Variants in ZNF469 observed in about 807,000 individuals in gnomAD.
ZNF469 encodes zinc finger protein 469.
In ZNF469, 1 loss-of-function variant was observed where a neutral mutation model predicts 1.0. That is an observed-to-expected ratio of 1.00 (90% CI 0.35 to 4.73). The LOEUF (loss-of-function observed/expected upper bound fraction) is 4.73. Among genes scored for constraint, ZNF469 ranks in the 30% most tolerant of loss-of-function variants. The probability of loss-of-function intolerance (pLI) is 0.16; values close to 1 mark genes in which losing one functional copy is unlikely to be tolerated. For missense variants in ZNF469, 6,100 were observed against 5,356.3 expected (o/e 1.14, Z -4.33); for synonymous variants, 2,703 against 2,363.4 (o/e 1.14, Z -4.17).
chr16:88,220,658 G>A, the ZNF469 span, among the ~76,000 whole-genome samples: 11 of 152,202 alleles, frequency 7.2e-5, no homozygotes, highest in Admixed American at 4.6e-4. Context: ...AGGAAGATGA[G>A]GGAGAGGTCG....
the ZNF469 span, among the ~76,000 whole-genome samples, chr16:88,269,763 G>T: frequency 6.6e-6 from 1 of 152,154 alleles, no homozygotes; most frequent in Non-Finnish European, 1.5e-5. Context: ...GGATGGCCCT[G>T]TGAGTTGTTA....
At chr16:88,404,937 T>C (rs1904985508) in intron 1 of ZNF469, among the ~76,000 whole-genome samples, 1 of 152,190 alleles carries the variant, frequency 6.6e-6, no homozygotes, top group African/African-American at 2.4e-5. Flanking sequence ...GGAGACTCTA[T>C]TGGCTCACAT....
At chr16:88,309,480 C>T in the ZNF469 span, among the ~76,000 whole-genome samples, 16 of 143,128 alleles carry the variant, frequency 1.1e-4, no homozygotes, top group South Asian at 1.7e-3. Context: ...GGTCCCCTCT[C>T]GGTGTTCAGG....
At chr16:88,399,970 C>T (rs1270556295) in intron 1 of ZNF469, among the ~76,000 whole-genome samples, 3 of 152,244 alleles carry the variant, frequency 2.0e-5, no homozygotes, top group Admixed American at 6.5e-5. Context: ...GGTCACTCCA[C>T]CTCCCTGGGC....
At chr16:88,352,503 C>A in the ZNF469 span, among the ~76,000 whole-genome samples, 3 of 152,250 alleles carry the variant, frequency 2.0e-5, no homozygotes, top group African/African-American at 7.2e-5. Flanking sequence ...ACACTGGGCA[C>A]CATGGCTCAG....
the ZNF469 span, among the ~76,000 whole-genome samples, chr16:88,370,023 ACTC>A: frequency 2.0e-5 from 3 of 152,166 alleles, no homozygotes; most frequent in African/African-American, 7.2e-5. Context: ...AAGTTTGGAC[ACTC>A]CAGCAAAACC....
chr16:88,129,648 T>A, the ZNF469 span, among the ~76,000 whole-genome samples: 5 of 152,224 alleles, frequency 3.3e-5, no homozygotes, highest in Admixed American at 3.3e-4. Context: ...GAGCCCAAGA[T>A]TTTGAGACCA....
At chr16:88,299,422 G>A in the ZNF469 span, among the ~76,000 whole-genome samples, 2 of 152,198 alleles carry the variant, frequency 1.3e-5, no homozygotes, top group Non-Finnish European at 2.9e-5. Context: ...GAGGCTCCAG[G>A]TGCCGGCAGC....
Position 88,431,124 on chromosome 16 carries a change from G to T in ZNF469, c.3654G>T (p.Ser1218=). The change falls in exon 3 of 3, where the codon TCG becomes TCT. Residue 1218 remains serine, a synonymous_variant. Transcript: ENST00000565624. ...AGACCTCAGAGGAAACCCGCCCGTCGCTGGACTTTCCCCAGGAGGCCAAGG... is the reference window on the plus strand; with the variant it reads ...AGACCTCAGAGGAAACCCGCCCGTCTCTGGACTTTCCCCAGGAGGCCAAGG... ...NTETSEETRP[S]LDFPQEAKEP... is the part of the protein sequence containing the mutation. 6.5e-7 allele frequency: 1 copy of T among 1,550,106 alleles called. No individual in the cohort carries two copies. The highest frequency in any genetic ancestry group is 8.7e-7 in the Non-Finnish European group (1 of 1,146,932).
chr16:88,248,960 A>G, the ZNF469 span, among the ~76,000 whole-genome samples: 1 of 151,894 alleles, frequency 6.6e-6, no homozygotes, highest in Non-Finnish European at 1.5e-5. Context: ...CTCTCTGTCC[A>G]CCTTCCTCAG....
the ZNF469 span, among the ~76,000 whole-genome samples, chr16:88,360,367 C>T: frequency 1.3e-5 from 2 of 152,150 alleles, no homozygotes; most frequent in African/African-American, 2.4e-5. Context: ...ATGTACAACT[C>T]GAGCGCCATT....
intron 1 of ZNF469, among the ~76,000 whole-genome samples, chr16:88,394,535 C>G (rs1350112200): frequency 6.6e-6 from 1 of 152,238 alleles, no homozygotes; most frequent in Non-Finnish European, 1.5e-5. Context: ...ATCATGAGCA[C>G]AAGAGGTGCC....
chr16:88,280,436 C>A, the ZNF469 span, among the ~76,000 whole-genome samples: 2 of 151,790 alleles, frequency 1.3e-5, no homozygotes, highest in Non-Finnish European at 1.5e-5. Flanking sequence ...TAGTGCTGTG[C>A]CACACCAATG....
Position 88,437,171 on chromosome 16 carries a change from C to T in ZNF469, c.9701C>T (p.Pro3234Leu), listed in dbSNP as rs1455741494. 23 of 1,549,340 alleles carry T rather than the reference C, an allele frequency of 1.5e-5. No individual in the cohort carries two copies. Among genetic ancestry groups the T allele is most frequent in the Non-Finnish European group, 2.0e-5 (23 of 1,146,592 alleles). ...CACCTTCTGAACAGCATCACGGAACCCGCGCCCAAACACCACAGGGGCAAG... is the reference window on the plus strand; with the variant it reads ...CACCTTCTGAACAGCATCACGGAACTCGCGCCCAAACACCACAGGGGCAAG... Reference protein sequence around the residue: ...VAHLLNSITEPAPKHHRGKRS... With the variant: ...VAHLLNSITELAPKHHRGKRS... The change falls in exon 3 of 3, where the codon CCC becomes CTC. Residue 3234 changes from proline (P) to leucine (L), a missense_variant. Coordinates refer to ENST00000565624, the MANE Select transcript of ZNF469 (RefSeq NM_001367624.2).
the ZNF469 span, among the ~76,000 whole-genome samples, chr16:88,314,486 G>A: frequency 7.2e-6 from 1 of 138,872 alleles, no homozygotes; most frequent in East Asian, 2.3e-4. Flanking sequence ...CAGTGCTGGT[G>A]TGGGCTGTCT....
chr16:88,413,201 C>T (rs1905220887), intron 1 of ZNF469, among the ~76,000 whole-genome samples: 1 of 152,254 alleles, frequency 6.6e-6, no homozygotes, highest in African/African-American at 2.4e-5. Context: ...CAAACAGCTG[C>T]CATCCCGTGT....
intron 1 of ZNF469, among the ~76,000 whole-genome samples, chr16:88,400,322 G>T (rs1182318061): frequency 6.6e-6 from 1 of 151,924 alleles, no homozygotes. Flanking sequence ...AATGTGCCCA[G>T]GCCTGGCAGC....
the ZNF469 span, among the ~76,000 whole-genome samples, chr16:88,249,332 A>G: frequency 1.3e-5 from 2 of 150,674 alleles, no homozygotes; most frequent in Admixed American, 1.3e-4. Context: ...GGCTCAAGCC[A>G]TCCTCCCACT....
chr16:88,296,642 A>G, the ZNF469 span, among the ~76,000 whole-genome samples: 1 of 152,144 alleles, frequency 6.6e-6, no homozygotes, highest in African/African-American at 2.4e-5. Flanking sequence ...ACATACGCAT[A>G]CACACATGCA....
Sources: gnomAD v4.1 joint callset for allele counts (sites outside exome capture counted in the v4.1 genomes callset) on GRCh38, gnomAD v4.1.1 for gene constraint, MANE v1.5 for transcripts, NCBI Gene and HGNC (gene_info 2026-07-23, HGNC 2026-07-21) for gene names.